The following ZNF410 variants were observed in gnomAD, a reference collection of about 807,000 sequenced individuals.
ZNF410 encodes the protein another partner for ARF 1.
Under a neutral mutation model 54.8 loss-of-function variants are expected in ZNF410, and 18 were observed. The ratio of observed to expected loss-of-function variants is 0.33; its 90% CI spans 0.23 to 0.49. The LOEUF is 0.49. ZNF410 is among the 20% of genes least tolerant of loss of function. The pLI, the probability that ZNF410 is intolerant of heterozygous loss-of-function variation, is 0.99. For missense variants in ZNF410, 405 were observed against 569.6 expected (o/e 0.71, Z 2.94); for synonymous variants, 191 against 207.3 (o/e 0.92, Z 0.68).
intron 2 of ZNF410, chr14:73,893,501 A>G (rs1278909711): frequency 7.6e-6 from 2 of 264,320 alleles, no homozygotes; most frequent in African/African-American, 2.2e-5. Context: ...GTATCTAAAC[A>G]TATCTAAACG....
Position 73,917,943 on chromosome 14 carries a change from A to G in ZNF410, c.1004-3037A>G, listed in dbSNP as rs141333346. ...AGATACCAAAATCCACAAATACTCA[A>G]GTCTCTTACATAAAATGGCATGGTA... is the stretch of plus-strand genomic sequence containing the variant. On this transcript the variant is annotated intron_variant, in intron 8 of 11. Coordinates refer to ENST00000555044, the MANE Select transcript of ZNF410 (RefSeq NM_021188.3). 3.0e-3 allele frequency among the ~76,000 whole-genome samples: 451 copies of G among 152,260 alleles called. 5 individuals are homozygous for G. Among genetic ancestry groups the G allele is most frequent in the Middle Eastern group, 0.01 (3 of 294 alleles).
In ZNF410 at chr14:73,896,436, C is replaced by T. The variant is rs201793622; in HGVS notation, c.290C>T (p.Ser97Phe). 50 of 1,614,052 alleles carry T rather than the reference C, an allele frequency of 3.1e-5. 1 individual carries two copies. The change falls in exon 4 of 12, where the codon TCC becomes TTC. Residue 97 changes from serine (S) to phenylalanine (F), a missense_variant. Physicochemically the swap from Ser to Phe is radical, Grantham distance 155. Coordinates refer to ENST00000555044, the MANE Select transcript of ZNF410 (RefSeq NM_021188.3). ...ACGAGAGCTCAGACTGTACAGAAAT[C>T]CCCGGAGTTTTTGTCCACTTCAGAG... is the stretch of plus-strand genomic sequence containing the variant. ...EETRAQTVQK[S>F]PEFLSTSESS... is the part of the protein sequence containing the mutation.
chr14:73,915,694 A>G (rs375126915), intron 8 of ZNF410: 1 of 152,138 alleles, frequency 6.6e-6, no homozygotes, highest in African/African-American at 2.4e-5. Context: ...CCTTTATCAG[A>G]TGAAGGAATT....
At chr14:73,901,308 C>CA (rs1288480092) in intron 5 of ZNF410, among the ~76,000 whole-genome samples, 1 of 152,134 alleles carries the variant, frequency 6.6e-6, no homozygotes, top group Non-Finnish European at 1.5e-5. Flanking sequence ...CAGTGGTTCA[C>CA]ACCTATAATC....
At chr14:73,892,455 TATAA>T (rs2055245688) in intron 2 of ZNF410, among the ~76,000 whole-genome samples, 1 of 151,686 alleles carries the variant, frequency 6.6e-6, no homozygotes, top group Admixed American at 6.6e-5. Context: ...AATAAAATCT[TATAA>T]ATAAAAATAT....
chr14:73,904,703 C>A (rs931820835), intron 6 of ZNF410, among the ~76,000 whole-genome samples, 199 bp from the exon 7 acceptor site: 1 of 152,178 alleles, frequency 6.6e-6, no homozygotes, highest in African/African-American at 2.4e-5. Context: ...AAGTAATCTT[C>A]CTGCCTCAGC....
At chr14:73,927,247 G>A (rs773925328) in intron 11 of ZNF410, 7 of 220,568 alleles carry the variant, frequency 3.2e-5, no homozygotes, top group Middle Eastern at 1.8e-3. Flanking sequence ...CACCACGCCC[G>A]GCTGTATTTT....
chr14:73,891,841 G>A (rs2055234989), intron 1 of ZNF410, 186 bp from the exon 2 acceptor site: 1 of 585,540 alleles, frequency 1.7e-6, no homozygotes. Flanking sequence ...CTGCATCAAA[G>A]CGTAGTATTT....
chr14:73,886,962 C>A (rs1378890347), intron 1 of ZNF410, 47 bp downstream of exon 1: 1 of 152,680 alleles, frequency 6.5e-6, no homozygotes, highest in East Asian at 1.9e-4. Context: ...TTAGGTAGTA[C>A]CCGAGAGGGC....
Position 73,918,686 on chromosome 14 carries a change from C to CTT in ZNF410, c.1004-2267_1004-2266dup, listed in dbSNP as rs71115932. Among the ~76,000 whole-genome samples the CTT allele has an allele frequency of 2.0e-3, 153 of 74,646 alleles. 13 individuals carry two copies. The highest frequency in any genetic ancestry group is 8.6e-3 in the African/African-American group (135 of 15,774). 49.0% of individuals were successfully genotyped at this position (74,646 alleles called of 152,430 possible). A position where few individuals can be genotyped will look rare whatever the true frequency, so the allele number is the denominator to read the frequency against. On this transcript the variant is annotated intron_variant, in intron 8 of 11. Transcript: ENST00000555044. Reference sequence around the variant, plus strand: ...GCCTGTTCTGGACATTTCATATGGCCTTTTTTTTTTTTTTTTTTTTTTTTT... The same window carrying CTT: ...GCCTGTTCTGGACATTTCATATGGCCTTTTTTTTTTTTTTTTTTTTTTTTTTT...
intron 9 of ZNF410, 115 bp downstream of exon 9, chr14:73,921,220 T>G: frequency 7.3e-7 from 1 of 1,368,112 alleles, no homozygotes; most frequent in Non-Finnish European, 9.9e-7. Flanking sequence ...TAGATAGACC[T>G]GGTCTCATTT....
intron 5 of ZNF410, among the ~76,000 whole-genome samples, chr14:73,903,162 T>C (rs1057174520): frequency 6.6e-6 from 1 of 152,188 alleles, no homozygotes; most frequent in Non-Finnish European, 1.5e-5. Context: ...AGGGTCTTAC[T>C]CTGTTGCCCA....
At chr14:73,898,026 A>G in intron 4 of ZNF410, 45 bp from the exon 5 acceptor site, 5 of 1,557,878 alleles carry the variant, frequency 3.2e-6, no homozygotes, top group Non-Finnish European at 4.3e-6. Context: ...GGCAAATAAA[A>G]AGCTTGCTTG....
intron 5 of ZNF410, among the ~76,000 whole-genome samples, chr14:73,903,358 T>C (rs1361245886): frequency 1.3e-5 from 2 of 152,250 alleles, no homozygotes; most frequent in Admixed American, 6.5e-5. Flanking sequence ...TGATTTCTAA[T>C]AGCAAACCAT....
intron 7 of ZNF410, among the ~76,000 whole-genome samples, chr14:73,908,184 C>A (rs149575063): frequency 6.6e-6 from 1 of 152,196 alleles, no homozygotes; most frequent in Non-Finnish European, 1.5e-5. Context: ...CCTCTTCCTT[C>A]TCCTGTGTCC....
At chr14:73,913,430 ACT>A (rs1432073606) in intron 8 of ZNF410, 1 of 152,206 alleles carries the variant, frequency 6.6e-6, no homozygotes, top group Non-Finnish European at 1.5e-5. Flanking sequence ...AAATTCCTTT[ACT>A]GTTACTCCTT....
At chr14:73,888,697 T>C (rs1471726984) in intron 1 of ZNF410, among the ~76,000 whole-genome samples, 2 of 152,162 alleles carry the variant, frequency 1.3e-5, no homozygotes, top group East Asian at 1.9e-4. Flanking sequence ...AGTAAGGAAT[T>C]GGGAATAGGA....
intron 1 of ZNF410, 169 bp from the exon 2 acceptor site, chr14:73,891,858 G>T (rs2055235309): frequency 5.1e-6 from 3 of 590,912 alleles, no homozygotes; most frequent in Non-Finnish European, 8.9e-6. Flanking sequence ...ATTTTTATGG[G>T]TTTTGATGCC....
intron 1 of ZNF410, chr14:73,888,378 G>A (rs995040615): frequency 6.6e-6 from 1 of 152,134 alleles, no homozygotes; most frequent in African/African-American, 2.4e-5. Flanking sequence ...GGTATCATTT[G>A]TAGTGTCATT....
Sources: gnomAD v4.1 joint callset for allele counts (sites outside exome capture counted in the v4.1 genomes callset) on GRCh38, gnomAD v4.1.1 for gene constraint, MANE v1.5 for transcripts, NCBI Gene and HGNC (gene_info 2026-07-23, HGNC 2026-07-21) for gene names.